The following CERK variants were observed in gnomAD, a reference collection of about 807,000 sequenced individuals.
CERK encodes acylsphingosine kinase.
CERK carries 39 observed loss-of-function variants against 63.4 expected under a neutral mutation model. The observed-to-expected ratio is 0.61, with a 90% CI of 0.48 to 0.80. The LOEUF is 0.80. CERK is among the 30% of genes least tolerant of loss of function. The pLI, the probability that CERK is intolerant of heterozygous loss-of-function variation, is 0.00. For synonymous variants in CERK, 302 were observed against 280.0 expected (o/e 1.08, Z -0.78); for missense variants, 670 against 714.1 (o/e 0.94, Z 0.70).
chr22:46,731,699 G>A (rs1039164298), intron 1 of CERK, among the ~76,000 whole-genome samples: 8 of 152,202 alleles, frequency 5.3e-5, no homozygotes, highest in Admixed American at 4.6e-4. Context: ...AGATAATGAC[G>A]GCTGGGCTGG....
intron 5 of CERK, among the ~76,000 whole-genome samples, chr22:46,709,797 G>A (rs184309510): frequency 2.0e-5 from 3 of 152,262 alleles, no homozygotes; most frequent in Admixed American, 2.0e-4. Flanking sequence ...AGAAGAGCTG[G>A]ACAGACTTGA....
chr22:46,702,181 A>AT (rs1426298350), intron 6 of CERK, among the ~76,000 whole-genome samples: 2 of 149,212 alleles, frequency 1.3e-5, no homozygotes, highest in African/African-American at 4.9e-5. Flanking sequence ...TCGTCTCAAA[A>AT]AAAAAAAAAA....
At position 46,695,583 on chromosome 22, in the gene CERK, T is replaced by C. The variant is rs2082752172; in HGVS notation, c.944-268A>G. Among the ~76,000 whole-genome samples the C allele has an allele frequency of 3.3e-5, 5 of 152,360 alleles. No homozygotes were observed. In the South Asian group the frequency reaches 1.0e-3, roughly 32 times the overall value. On this transcript the variant is annotated intron_variant, in intron 8 of 12. Coordinates refer to ENST00000216264, the MANE Select transcript of CERK (RefSeq NM_022766.6). ...GGGACAGCCAGGGCTATGGCCACTCTTGACGCTGGCAAAGTGGGGCCTTTG... is the reference window on the plus strand; with the variant it reads ...GGGACAGCCAGGGCTATGGCCACTCCTGACGCTGGCAAAGTGGGGCCTTTG...
In CERK at chr22:46,686,551, TG is replaced by T. The variant is rs2082702590; in HGVS notation, c.*582del. On this transcript the variant is annotated 3_prime_UTR_variant, in exon 13 of 13. Transcript: ENST00000216264. ...GAGGCCCCAGCAGCCTTCCCGGCGCTGGCGTGGAGGCCCCTCCCGCGGATCA... is the reference window on the plus strand; with the variant it reads ...GAGGCCCCAGCAGCCTTCCCGGCGCTGCGTGGAGGCCCCTCCCGCGGATCA... The T allele has an allele frequency of 6.5e-6, 1 of 153,282 alleles. No homozygotes were observed. Among genetic ancestry groups the T allele is most frequent in the East Asian group, 1.9e-4 (1 of 5,218 alleles). 9.5% of individuals were successfully genotyped at this position (153,282 alleles called of 1,614,324 possible). A position where few individuals can be genotyped will look rare whatever the true frequency, so the allele number is the denominator to read the frequency against.
At chr22:46,713,615 C>T (rs182640063) in intron 3 of CERK, among the ~76,000 whole-genome samples, 31 of 152,090 alleles carry the variant, frequency 2.0e-4, no homozygotes, top group Non-Finnish European at 2.6e-4. Flanking sequence ...GAACGCCCAT[C>T]ACCTGAAGAA....
Position 46,711,091 on chromosome 22 carries a change from G to A in CERK, c.564C>T (p.Tyr188=), listed in dbSNP as rs565935314. ...ATGAAAGACGGCTTACTCACCCGTCGTATTTGTCTATGTTAATCTCATACA... is the reference window on the plus strand; with the variant it reads ...ATGAAAGACGGCTTACTCACCCGTCATATTTGTCTATGTTAATCTCATACA... ...ETLYEINIDK[Y]DGIVCVGGDG... is the part of the protein sequence containing the mutation. The change falls in exon 5 of 13, where the codon TAC becomes TAT. Residue 188 remains tyrosine (Y), a synonymous_variant. Transcript: ENST00000216264. 31 of 1,612,490 alleles carry A rather than the reference G, an allele frequency of 1.9e-5. 1 individual carries two copies. In the South Asian group the frequency reaches 2.1e-4, roughly 11 times the overall value.
chr22:46,695,250 T>C lies in CERK; in HGVS notation c.1009A>G (p.Thr337Ala). Residue 337 changes from threonine (T) to alanine (A), a missense_variant, in exon 9 of 13, where the codon ACG becomes GCG. Coordinates refer to ENST00000216264, the MANE Select transcript of CERK (RefSeq NM_022766.6). ...TTCCTATCCCTTGGAGATCCCACCG[T>C]GTGTTGTGCAGGGAGGAAGGACACT... ...GTVSFLPAQH[T>A]VGSPRDRKPC... 1 of 1,610,822 alleles carries C rather than the reference T, an allele frequency of 6.2e-7. No homozygotes were observed. The highest frequency in any genetic ancestry group is 1.1e-5 in the South Asian group (1 of 90,972).
chr22:46,736,999 T>C (rs2082977146), intron 1 of CERK, among the ~76,000 whole-genome samples: 2 of 151,648 alleles, frequency 1.3e-5, no homozygotes, highest in African/African-American at 4.8e-5. Flanking sequence ...CCCCAATAAT[T>C]AAAAAGAAAA....
At position 46,714,744 on chromosome 22, in the gene CERK, A is replaced by G. The variant is rs897389333; in HGVS notation, c.380-2451T>C. Among the ~76,000 whole-genome samples the G allele has an allele frequency of 2.6e-5, 4 of 152,158 alleles. No individual in the cohort carries two copies. The highest frequency in any genetic ancestry group is 9.7e-5 in the African/African-American group (4 of 41,442). On this transcript the variant is annotated intron_variant, in intron 3 of 12. Coordinates refer to ENST00000216264, the MANE Select transcript of CERK (RefSeq NM_022766.6). This position sits in a 1 kb window ranked among gnomAD's most constrained non-coding sequence, Gnocchi z 4.4. ...TTCCAGAGAACAGAAAAAAACAAAC[A>G]CGTATGAACTCTTTGTATGACACAC...
In CERK at chr22:46,712,172, G is replaced by A. The variant is rs765563017; in HGVS notation, c.501C>T (p.Ile167=). The A allele has an allele frequency of 6.2e-7, 1 of 1,614,024 alleles. No individual in the cohort carries two copies. The highest frequency in any genetic ancestry group is 8.5e-7 in the Non-Finnish European group (1 of 1,179,948). Residue 167 remains isoleucine, a synonymous_variant, in exon 4 of 13, where the codon ATC becomes ATT. Coordinates refer to ENST00000216264, the MANE Select transcript of CERK (RefSeq NM_022766.6). ...AGTTAACATAGAATTTGTTACCGAT[G>A]ATGTCAGTGGTGATGGAGGCTAAGG... ...LFTLASITTD[I]IVTEHANQAK...
intron 7 of CERK, among the ~76,000 whole-genome samples, chr22:46,701,407 C>T (rs1324863432): frequency 6.6e-6 from 1 of 152,290 alleles, no homozygotes; most frequent in African/African-American, 2.4e-5. Context: ...TGGGAAAGAA[C>T]TCGGCCCACA....
rs773438386 is a variant in CERK, at chr22:46,687,108, C to T, written c.*26G>A. The T allele has an allele frequency of 4.4e-6, 7 of 1,599,394 alleles. No homozygotes were observed. Among genetic ancestry groups the T allele is most frequent in the East Asian group, 2.2e-5 (1 of 44,774 alleles). ...ATCTTAAATAGTTTTCACACTTTCC[C>T]AGTTTGTGAGCAGGACGCCGGCTTC... is the stretch of plus-strand genomic sequence containing the variant. On this transcript the variant is annotated 3_prime_UTR_variant, in exon 13 of 13. Transcript: ENST00000216264.
At chr22:46,692,949 A>G (rs1197164078) in intron 10 of CERK, among the ~76,000 whole-genome samples, 1 of 152,066 alleles carries the variant, frequency 6.6e-6, no homozygotes, top group African/African-American at 2.4e-5. Flanking sequence ...AAAAATCAAA[A>G]TAATAATATT....
intron 3 of CERK, among the ~76,000 whole-genome samples, chr22:46,719,618 G>C (rs1344784182): frequency 6.6e-6 from 1 of 152,212 alleles, no homozygotes; most frequent in Non-Finnish European, 1.5e-5. Flanking sequence ...GTTGCAGTGA[G>C]CTGAGATCGC....
rs1389711918 is a variant in CERK, at chr22:46,695,090, G to A, written c.1049+120C>T. On this transcript the variant is annotated intron_variant, in intron 9 of 12. Transcript: ENST00000216264. Reference sequence around the variant, plus strand: ...TGGGCATCATAGGCATCGTGTGTCTGGGCACGCTACATCCGGCACCTTCCA... The same window carrying A: ...TGGGCATCATAGGCATCGTGTGTCTAGGCACGCTACATCCGGCACCTTCCA... 1.8e-5 allele frequency: 11 copies of A among 623,564 alleles called. No homozygotes were observed. In the Admixed American group the frequency reaches 3.1e-4, roughly 17 times the overall value. The allele number at this position is 623,564 out of a possible 1,614,324, so 38.6% of individuals were successfully genotyped here. A position where few individuals can be genotyped will look rare whatever the true frequency, so the allele number is the denominator to read the frequency against.
chr22:46,700,812 G>A (rs1356573875), intron 7 of CERK, among the ~76,000 whole-genome samples: 1 of 152,132 alleles, frequency 6.6e-6, no homozygotes, highest in Non-Finnish European at 1.5e-5. Flanking sequence ...AGGAGTTCGA[G>A]ACCAGCCTGA....
At chr22:46,701,500 G>A (rs1006541163) in intron 7 of CERK, 136 bp downstream of exon 7, 1 of 694,746 alleles carries the variant, frequency 1.4e-6, no homozygotes, top group South Asian at 1.9e-5. Context: ...AGCGAGCAGA[G>A]CAGGGGACAC....
intron 1 of CERK, among the ~76,000 whole-genome samples, chr22:46,733,290 TTTA>T (rs910526925): frequency 8.6e-5 from 13 of 150,938 alleles, no homozygotes; most frequent in African/African-American, 9.7e-5. Flanking sequence ...TTATTTTTAT[TTTA>T]TTATTATTAT....
At chr22:46,731,168 C>A (rs984093734) in intron 1 of CERK, among the ~76,000 whole-genome samples, 1 of 152,268 alleles carries the variant, frequency 6.6e-6, no homozygotes. Flanking sequence ...GACAAAGGGG[C>A]AGCCCAGCCC....
Sources: gnomAD v4.1 joint callset for allele counts (sites outside exome capture counted in the v4.1 genomes callset) on GRCh38, gnomAD v4.1.1 for gene constraint, Gnocchi (gnomAD v3.1) non-coding constraint, MANE v1.5 for transcripts, NCBI Gene and HGNC (gene_info 2026-07-23, HGNC 2026-07-21) for gene names.